TRPC6: variants seen among roughly 807,000 people sequenced by gnomAD.
TRPC6 encodes transient receptor potential cation channel subfamily C member 6.
A neutral mutation model predicts 90.7 loss-of-function variants in TRPC6; 55 were observed. That is an observed-to-expected ratio of 0.61 (90% CI 0.49 to 0.76). The LOEUF (loss-of-function observed/expected upper bound fraction) is 0.76. Among genes scored for constraint, TRPC6 ranks in the 30% least tolerant of loss-of-function variants. TRPC6 has a pLI of 0.00. For synonymous variants in TRPC6, 393 were observed against 393.0 expected (o/e 1.00, Z 0.00); for missense variants, 989 against 1,122.7 (o/e 0.88, Z 1.70).
chr11:101,552,119 C>T (rs932238440), intron 1 of TRPC6, among the ~76,000 whole-genome samples: 10 of 152,094 alleles, frequency 6.6e-5, no homozygotes, highest in East Asian at 1.9e-4. Context: ...AGACCCTTCA[C>T]AGTTCTTTAC....
chr11:101,507,078 C>G (rs1860291703), intron 1 of TRPC6, among the ~76,000 whole-genome samples: 2 of 149,220 alleles, frequency 1.3e-5, no homozygotes, highest in South Asian at 4.3e-4. Context: ...CCTTATCATT[C>G]CAGAATTGTT....
At chr11:101,459,955 T>C (rs539948732) in intron 10 of TRPC6, among the ~76,000 whole-genome samples, 2 of 152,300 alleles carry the variant, frequency 1.3e-5, no homozygotes, top group Non-Finnish European at 2.9e-5. Context: ...AACTTGATTA[T>C]TTCTGTTTTA....
At chr11:101,538,071 C>T (rs1389577131) in intron 1 of TRPC6, among the ~76,000 whole-genome samples, 1 of 152,046 alleles carries the variant, frequency 6.6e-6, no homozygotes, top group Non-Finnish European at 1.5e-5. Context: ...TGCCTGTTCA[C>T]AATTGTTAAC....
chr11:101,467,183 T>C (rs1007011963), intron 10 of TRPC6, among the ~76,000 whole-genome samples: 1 of 152,222 alleles, frequency 6.6e-6, no homozygotes, highest in Non-Finnish European at 1.5e-5. Flanking sequence ...TTTTTGTTTC[T>C]TCCACTCACT....
chr11:101,576,794 T>G (rs969273419), intron 1 of TRPC6, among the ~76,000 whole-genome samples: 1 of 152,176 alleles, frequency 6.6e-6, no homozygotes, highest in Non-Finnish European at 1.5e-5. Flanking sequence ...GAGCATAAAC[T>G]GTCTAGAGAA....
At chr11:101,497,579 A>G (rs577858515) in intron 2 of TRPC6, among the ~76,000 whole-genome samples, 2 of 152,168 alleles carry the variant, frequency 1.3e-5, no homozygotes, top group Non-Finnish European at 2.9e-5. Flanking sequence ...CCATGTGCAC[A>G]TGCATGAGCA....
chr11:101,504,844 T>A, intron 1 of TRPC6, 46 bp from the exon 2 acceptor site: 1 of 1,598,980 alleles, frequency 6.3e-7, no homozygotes, highest in South Asian at 1.1e-5. Flanking sequence ...TTAAGAGCAT[T>A]TTAGTGTGCC....
At chr11:101,512,777 A>G (rs1322958023) in intron 1 of TRPC6, among the ~76,000 whole-genome samples, 1 of 152,208 alleles carries the variant, frequency 6.6e-6, no homozygotes, top group East Asian at 1.9e-4. Flanking sequence ...TTTCTTTGTA[A>G]TACCAGCAAA....
At chr11:101,543,198 T>C in intron 1 of TRPC6, among the ~76,000 whole-genome samples, 1 of 152,066 alleles carries the variant, frequency 6.6e-6, no homozygotes, top group Non-Finnish European at 1.5e-5. Context: ...AAAGAAAGAC[T>C]GACCACATCT....
At position 101,455,082 on chromosome 11, in the gene TRPC6, GGTT is replaced by G; in HGVS notation, c.2501_2503del (p.Gln834del). On this transcript the variant is annotated inframe_deletion, in exon 11 of 13. Coordinates refer to ENST00000344327, the MANE Select transcript of TRPC6 (RefSeq NM_004621.6). ...GAAATCTTCTGAGCTCCTTATACTT[GGTT>G]GTTTATTGTGCCCAACCTGTAATTT... is the stretch of plus-strand genomic sequence containing the variant. 1.9e-6 allele frequency: 3 copies of G among 1,612,258 alleles called. No homozygotes were observed. The highest frequency in any genetic ancestry group is 1.7e-6 in the Non-Finnish European group (2 of 1,178,904).
intron 1 of TRPC6, among the ~76,000 whole-genome samples, chr11:101,538,917 T>A (rs1477431001): frequency 6.6e-6 from 1 of 152,152 alleles, no homozygotes; most frequent in East Asian, 1.9e-4. Flanking sequence ...TGAATGAACA[T>A]GGAAGTGAAC....
chr11:101,540,191 TG>T (rs1861137661), intron 1 of TRPC6, among the ~76,000 whole-genome samples: 1 of 152,066 alleles, frequency 6.6e-6, no homozygotes, highest in Non-Finnish European at 1.5e-5. Flanking sequence ...GCAACACCAA[TG>T]GGGTACACAC....
chr11:101,504,694 G>A lies in TRPC6; in HGVS notation c.275C>T (p.Ser92Phe), dbSNP rs1416158197. 1.3e-6 allele frequency: 2 copies of A among 1,596,248 alleles called. No homozygotes were observed. The change falls in exon 2 of 13, where the codon TCC becomes TTC. Residue 92 changes from serine (S) to phenylalanine (F), a missense_variant. This residue lies in a region of TRPC6 where 194 missense variants were observed against 136.5 expected (regional missense o/e 1.42). Coordinates refer to ENST00000344327, the MANE Select transcript of TRPC6 (RefSeq NM_004621.6). ...TTCCTCCTCTATAGATAGGCTTGTG[G>A]AGCGATCACTAAACATGTATGCTGG... is the stretch of plus-strand genomic sequence containing the variant. ...RGPAYMFSDR[S>F]TSLSIEEERF...
In TRPC6 at chr11:101,471,175, T is replaced by TAA. The variant is rs376896372; in HGVS notation, c.2409+6_2409+7dup. The TAA allele has an allele frequency of 6.2e-6, 10 of 1,613,498 alleles. No homozygotes were observed. The African/African-American group carries it at 9.3e-5, about 15-fold the overall frequency. ...AGAATACAATGATAACTTATCAAGC[T>TAA]AAGTTACCTTGTTCATCTCTGCATC... On this transcript the variant is annotated splice_region_variant and intron_variant, in intron 9 of 12. Coordinates refer to ENST00000344327, the MANE Select transcript of TRPC6 (RefSeq NM_004621.6).
At chr11:101,531,374 AACAGAG>A (rs1860908558) in intron 1 of TRPC6, among the ~76,000 whole-genome samples, 1 of 152,222 alleles carries the variant, frequency 6.6e-6, no homozygotes, top group Non-Finnish European at 1.5e-5. Flanking sequence ...TTACTGGTGG[AACAGAG>A]ACTTGACCCC....
At chr11:101,496,143 T>A (rs1382637632) in intron 2 of TRPC6, among the ~76,000 whole-genome samples, 1 of 152,016 alleles carries the variant, frequency 6.6e-6, no homozygotes, top group African/African-American at 2.4e-5. Context: ...TCAAATCTCA[T>A]GAGAACTCAC....
At chr11:101,461,888 G>A (rs778662402) in intron 10 of TRPC6, among the ~76,000 whole-genome samples, 3 of 152,176 alleles carry the variant, frequency 2.0e-5, no homozygotes, top group Non-Finnish European at 4.4e-5. Flanking sequence ...AGGAATGGGA[G>A]GAAGAAACGG....
At chr11:101,537,214 TTTATA>T (rs141187594) in intron 1 of TRPC6, among the ~76,000 whole-genome samples, 254 of 152,266 alleles carry the variant, frequency 1.7e-3, no homozygotes, top group African/African-American at 5.9e-3. Flanking sequence ...ATTAACCTCT[TTTATA>T]TTATACCTTT....
At chr11:101,466,364 C>T (rs547070616) in intron 10 of TRPC6, among the ~76,000 whole-genome samples, 3 of 152,352 alleles carry the variant, frequency 2.0e-5, no homozygotes, top group African/African-American at 7.2e-5. Flanking sequence ...ATCTGTAAGT[C>T]CCTGACTGGG....
Sources: gnomAD v4.1 joint callset for allele counts (sites outside exome capture counted in the v4.1 genomes callset) on GRCh38, gnomAD v4.1.1 for gene constraint, gnomAD v4.1.1 regional missense constraint, MANE v1.5 for transcripts, NCBI Gene and HGNC (gene_info 2026-07-23, HGNC 2026-07-21) for gene names.